MYO7B: variants seen among roughly 807,000 people sequenced by gnomAD.
The protein encoded by MYO7B is myosin VIIB.
In MYO7B, 212 loss-of-function variants were observed where a neutral mutation model predicts 259.7. The observed-to-expected ratio is 0.82, with a 90% CI of 0.73 to 0.91. MYO7B has a LOEUF of 0.91. Ranked by LOEUF, MYO7B falls within the 40% of genes least tolerant of loss-of-function variation. The pLI is 0.00. For missense variants in MYO7B, 2,732 were observed against 2,813.5 expected (o/e 0.97, Z 0.66); for synonymous variants, 1,197 against 1,166.4 (o/e 1.03, Z -0.54).
intron 6 of MYO7B, among the ~76,000 whole-genome samples, chr2:127,571,446 T>TTTTTTTGTTTTTTTTTTTG (rs1414812315): frequency 2.1e-5 from 3 of 142,934 alleles, no homozygotes; most frequent in African/African-American, 2.5e-5. Context: ...CAGTGAGTTT[T>TTTTTTTGTTTTTTTTTTTG]TTTTTTTTTT....
intron 1 of MYO7B, among the ~76,000 whole-genome samples, chr2:127,544,219 G>A (rs1693126338): frequency 6.6e-6 from 1 of 151,984 alleles, no homozygotes; most frequent in African/African-American, 2.4e-5. Context: ...TGGGACCACA[G>A]GTGCTCACCA....
chr2:127,582,589 G>A, intron 12 of MYO7B, 143 bp downstream of exon 12: 1 of 997,376 alleles, frequency 1.0e-6, no homozygotes, highest in South Asian at 1.7e-5. Flanking sequence ...CTCTGCATGG[G>A]GTGGCTGCTG....
Position 127,544,307 on chromosome 2 carries a change from T to C in MYO7B, c.-24+8476T>C, listed in dbSNP as rs115237500. 4.2e-3 allele frequency among the ~76,000 whole-genome samples: 647 copies of C among 152,308 alleles called. 1 individual carries two copies. The highest frequency in any genetic ancestry group is 6.6e-3 in the Non-Finnish European group (447 of 68,032). ...TAAAACATATATTATTTTTATTACA[T>C]ACTCATATATCAACACATATATTAG... On this transcript the variant is annotated intron_variant, in intron 1 of 47. Coordinates refer to ENST00000409816, the MANE Select transcript of MYO7B (RefSeq NM_001393586.1).
intron 1 of MYO7B, among the ~76,000 whole-genome samples, chr2:127,547,406 T>C (rs1463558147): frequency 6.6e-6 from 1 of 152,204 alleles, no homozygotes; most frequent in Non-Finnish European, 1.5e-5. Context: ...CACACGTGCT[T>C]GTGTGTGTGC....
rs775741201 is a variant in MYO7B, at chr2:127,584,780, G to A, written c.1557G>A (p.Gly519=). 8.1e-6 allele frequency: 13 copies of A among 1,613,842 alleles called. No individual in the cohort carries two copies. The highest frequency in any genetic ancestry group is 1.7e-4 in the Middle Eastern group (1 of 6,060). ...ACAGGGTGTCTGGGTTCTTCCAGGGGACAGATCTCACCATGCTGCAAAAGC... is the reference window on the plus strand; with the variant it reads ...ACAGGGTGTCTGGGTTCTTCCAGGGAACAGATCTCACCATGCTGCAAAAGC... ...LLDEESRFPQ[G]TDLTMLQKLN... is the part of the protein sequence containing the mutation. The change falls in exon 14 of 48, where the codon GGG becomes GGA. Residue 519 remains glycine (G), a splice_region_variant and synonymous_variant. Coordinates refer to ENST00000409816, the MANE Select transcript of MYO7B (RefSeq NM_001393586.1). This position sits in a 1 kb window ranked among gnomAD's most constrained non-coding sequence, Gnocchi z 5.8.
Position 127,636,706 on chromosome 2 carries a change from C to T in MYO7B, c.6207+78C>T, listed in dbSNP as rs867956956. Reference sequence around the variant, plus strand: ...GCAGGTGGGGCTGCAGTCATCTCTGCGGTGTGTCCTGCCTCTCTCCTGTCC... The same window carrying T: ...GCAGGTGGGGCTGCAGTCATCTCTGTGGTGTGTCCTGCCTCTCTCCTGTCC... On this transcript the variant is annotated intron_variant, in intron 46 of 47. Transcript: ENST00000409816. The surrounding 1 kb of genome is among the most constrained non-coding windows in gnomAD (Gnocchi z 4.5). The T allele has an allele frequency of 1.1e-4, 169 of 1,608,612 alleles. No individual in the cohort carries two copies. Among genetic ancestry groups the T allele is most frequent in the Admixed American group, 3.5e-4 (21 of 59,368 alleles).
Position 127,635,797 on chromosome 2 carries a change from A to G in MYO7B, c.5896A>G (p.Lys1966Glu), listed in dbSNP as rs745954206. 2.5e-6 allele frequency: 4 copies of G among 1,595,934 alleles called. No homozygotes were observed. In the South Asian group the frequency reaches 4.6e-5, roughly 18 times the overall value. ...CATCCACCTGGCGGGCCTCATCTACAAGGCCCAGTTCAACAACGACCGGTC... is the reference window on the plus strand; with the variant it reads ...CATCCACCTGGCGGGCCTCATCTACGAGGCCCAGTTCAACAACGACCGGTC... Reference protein sequence around the residue: ...DAIHLAGLIYKAQFNNDRSQL... With the variant: ...DAIHLAGLIYEAQFNNDRSQL... The change falls in exon 44 of 48, where the codon AAG (lysine) becomes GAG (glutamate). Residue 1966 changes from lysine to glutamate, a missense_variant. Around this residue, in one of 3 missense-constraint regions of MYO7B, gnomAD observed 821 missense variants for 769.3 expected, o/e 1.07. Transcript: ENST00000409816.
intron 14 of MYO7B, among the ~76,000 whole-genome samples, chr2:127,587,644 C>T (rs1679355377): frequency 6.7e-6 from 1 of 149,086 alleles, no homozygotes; most frequent in South Asian, 2.1e-4. Flanking sequence ...TCTCAGCTCA[C>T]TGCAACCTCT....
Position 127,560,512 on chromosome 2 carries a change from A to C in MYO7B, c.18+772A>C, listed in dbSNP as rs890484875. ...GGTGGCCAAGAGATGGCTCCTCCAC[A>C]GGAAGAAAGCAGAGGAGTTTTGCAT... On this transcript the variant is annotated intron_variant, in intron 2 of 47. Coordinates refer to ENST00000409816, the MANE Select transcript of MYO7B (RefSeq NM_001393586.1). 2.0e-5 allele frequency among the ~76,000 whole-genome samples: 3 copies of C among 152,208 alleles called. 1 individual carries two copies. Among genetic ancestry groups the C allele is most frequent in the African/African-American group, 4.8e-5 (2 of 41,460 alleles).
intron 19 of MYO7B, among the ~76,000 whole-genome samples, chr2:127,598,624 T>A (rs1319086419): frequency 6.6e-6 from 1 of 152,260 alleles, no homozygotes; most frequent in Non-Finnish European, 1.5e-5. Flanking sequence ...TCATAGATCG[T>A]GCTTTTAGTG....
rs756028736 is a variant in MYO7B, at chr2:127,565,336, C to T, written c.236C>T (p.Ala79Val). 4 of 1,614,062 alleles carry T rather than the reference C, an allele frequency of 2.5e-6. No homozygotes were observed. Among genetic ancestry groups the T allele is most frequent in the Non-Finnish European group, 3.4e-6 (4 of 1,179,886 alleles). Residue 79 changes from alanine (A) to valine (V), a missense_variant, in exon 4 of 48, where the codon GCA becomes GTA. Physicochemically the swap from Ala to Val is moderately conservative, Grantham distance 64. Transcript: ENST00000409816. ...ATCCGCCTGGGGGACCTGAACGAGG[C>T]AGGCATGGTGCACAACCTCCTGATC... ...DMIRLGDLNE[A>V]GMVHNLLIRY...
intron 19 of MYO7B, among the ~76,000 whole-genome samples, chr2:127,602,764 T>TG (rs900492118): frequency 2.6e-5 from 4 of 152,144 alleles, no homozygotes; most frequent in African/African-American, 9.7e-5. Flanking sequence ...TGTGACCGGC[T>TG]GAGGCAGGTG....
intron 1 of MYO7B, among the ~76,000 whole-genome samples, chr2:127,551,007 G>A (rs534486360): frequency 2.3e-4 from 35 of 150,968 alleles, no homozygotes; most frequent in Non-Finnish European, 4.0e-4. Flanking sequence ...GGGTGGTTCC[G>A]GCCCAGGGAC....
In MYO7B at chr2:127,634,305, G is replaced by A. The variant is rs779825003; in HGVS notation, c.5625+16G>A. Reference sequence around the variant, plus strand: ...TTCAGACAAGGTGGGCCGGGCTGGGGCTGGGCAGACGGTGGGCGGACGGGC... The same window carrying A: ...TTCAGACAAGGTGGGCCGGGCTGGGACTGGGCAGACGGTGGGCGGACGGGC... On this transcript the variant is annotated intron_variant, in intron 41 of 47. Coordinates refer to ENST00000409816, the MANE Select transcript of MYO7B (RefSeq NM_001393586.1). 3 of 1,546,108 alleles carry A rather than the reference G, an allele frequency of 1.9e-6. No individual in the cohort carries two copies. The highest frequency in any genetic ancestry group is 2.6e-6 in the Non-Finnish European group (3 of 1,145,202).
chr2:127,631,493 CAG>C (rs1173773506), intron 37 of MYO7B, 105 bp from the exon 38 acceptor site: 1 of 1,520,802 alleles, frequency 6.6e-7, no homozygotes, highest in East Asian at 2.4e-5. Context: ...AGTGGCGGGA[CAG>C]AGCCCACACA....
chr2:127,636,085 C>T lies in MYO7B; in HGVS notation c.6007-123C>T. The T allele has an allele frequency of 9.4e-7, 1 of 1,065,192 alleles. No homozygotes were observed. The highest frequency in any genetic ancestry group is 1.4e-6 in the Non-Finnish European group (1 of 727,956). 66.0% of individuals were successfully genotyped at this position (1,065,192 alleles called of 1,614,324 possible). On this transcript the variant is annotated intron_variant, in intron 44 of 47. Coordinates refer to ENST00000409816, the MANE Select transcript of MYO7B (RefSeq NM_001393586.1). The surrounding 1 kb of genome is among the most constrained non-coding windows in gnomAD (Gnocchi z 4.5). ...GCCATCCACAGCACCGAGACTGTCCCATGCTGCATTCCTCCCCTCCCCTCC... is the reference window on the plus strand; with the variant it reads ...GCCATCCACAGCACCGAGACTGTCCTATGCTGCATTCCTCCCCTCCCCTCC...
At chr2:127,571,455 T>G (rs1353823197) in intron 6 of MYO7B, among the ~76,000 whole-genome samples, 21 of 145,562 alleles carry the variant, frequency 1.4e-4, no homozygotes, top group Non-Finnish European at 2.6e-4. Flanking sequence ...TTTTTTTTTT[T>G]TTTTGCTTGT....
chr2:127,538,262 C>T (rs1043527438), intron 1 of MYO7B, among the ~76,000 whole-genome samples: 15 of 151,980 alleles, frequency 9.9e-5, no homozygotes, highest in Admixed American at 7.9e-4. Context: ...GGATGAAATA[C>T]GGTTGAGGGG....
At position 127,584,891 on chromosome 2, in the gene MYO7B, C is replaced by T. The variant is rs554946425; in HGVS notation, c.1668C>T (p.Gly556=). 2.1e-4 allele frequency: 331 copies of T among 1,613,822 alleles called. No homozygotes were observed. The highest frequency in any genetic ancestry group is 2.6e-4 in the Non-Finnish European group (310 of 1,179,896). ...DARFGIAHFA[G]EVYYQAEGFL... is the part of the protein sequence containing the mutation. ...GATTTGGCATTGCCCATTTTGCCGG[C>T]GAGGTGTACTACCAAGCAGAAGGTG... Residue 556 remains glycine, a synonymous_variant, in exon 14 of 48, where the codon GGC becomes GGT. Coordinates refer to ENST00000409816, the MANE Select transcript of MYO7B (RefSeq NM_001393586.1). The surrounding 1 kb of genome is among the most constrained non-coding windows in gnomAD (Gnocchi z 5.8).
Sources: gnomAD v4.1 joint callset for allele counts (sites outside exome capture counted in the v4.1 genomes callset) on GRCh38, gnomAD v4.1.1 for gene constraint, gnomAD v4.1.1 regional missense constraint, Gnocchi (gnomAD v3.1) non-coding constraint, MANE v1.5 for transcripts, NCBI Gene and HGNC (gene_info 2026-07-23, HGNC 2026-07-21) for gene names.